Variants in MPDZ observed in about 807,000 individuals in gnomAD.
The protein encoded by MPDZ is multiple PDZ domain protein.
MPDZ carries 234 observed loss-of-function variants against 239.1 expected under a neutral mutation model. The ratio of observed to expected loss-of-function variants is 0.98; its 90% CI spans 0.88 to 1.09. The LOEUF (loss-of-function observed/expected upper bound fraction) is 1.09. MPDZ is among the 50% of genes least tolerant of loss of function. The probability of loss-of-function intolerance (pLI) is 0.00; values close to 1 mark genes in which losing one functional copy is unlikely to be tolerated. For synonymous variants in MPDZ, 1,048 were observed against 881.3 expected, an observed-to-expected ratio of 1.19 and a Z score of -3.35; for missense variants, 3,175 against 2,510.0, an observed-to-expected ratio of 1.26 and a Z score of -5.66.
intron 30 of MPDZ, 50 bp from the exon 31 acceptor site, chr9:13,136,232 A>G (rs1487031043): frequency 3.9e-6 from 5 of 1,272,748 alleles, no homozygotes; most frequent in Non-Finnish European, 4.5e-6. Context: ...TATTATTTTC[A>G]TTCTCTTACT....
At chr9:13,211,692 T>C (rs1957638802) in intron 10 of MPDZ, among the ~76,000 whole-genome samples, 1 of 152,120 alleles carries the variant, frequency 6.6e-6, no homozygotes, top group African/African-American at 2.4e-5. Flanking sequence ...TAACGATCCA[T>C]GATTAAGCCT....
At chr9:13,219,339 T>C (rs1958766252) in intron 8 of MPDZ, among the ~76,000 whole-genome samples, 1 of 151,986 alleles carries the variant, frequency 6.6e-6, no homozygotes, top group Admixed American at 6.6e-5. Context: ...AAATGTAAAA[T>C]AATCTAGCAT....
chr9:13,123,048 G>A, intron 36 of MPDZ, 105 bp downstream of exon 36: 1 of 1,180,726 alleles, frequency 8.5e-7, no homozygotes, highest in Non-Finnish European at 1.1e-6. Flanking sequence ...GGTTTTTTCG[G>A]CCTTCACATT....
At chr9:13,253,061 T>C (rs1256958281) in intron 1 of MPDZ, among the ~76,000 whole-genome samples, 1 of 151,980 alleles carries the variant, frequency 6.6e-6, no homozygotes, top group Non-Finnish European at 1.5e-5. Flanking sequence ...ACATGGGAGG[T>C]AGACCTCGGA....
At chr9:13,181,938 G>A (rs1296554184) in intron 19 of MPDZ, among the ~76,000 whole-genome samples, 2 of 152,194 alleles carry the variant, frequency 1.3e-5, no homozygotes, top group East Asian at 3.9e-4. Flanking sequence ...GACACAGCCA[G>A]ACAGACAGTC....
Position 13,222,445 on chromosome 9 carries a change from C to T in MPDZ, c.535G>A (p.Asp179Asn). Residue 179 changes from aspartate (D) to asparagine (N), a missense_variant and splice_region_variant, in exon 6 of 47, where the codon GAT becomes AAT. Physicochemically the swap from Asp to Asn is conservative, Grantham distance 23 (BLOSUM62 1). Coordinates refer to ENST00000319217, the MANE Select transcript of MPDZ (RefSeq NM_001378778.1). Reference protein sequence around the residue: ...EIQEGSVAHRDGRLKETDQIL... With the variant: ...EIQEGSVAHRNGRLKETDQIL... ...TGATCAGTTTCTTTCAATCTTCCAT[C>T]TCTATCAAGGATGCAAAAGGGGATA... 6.2e-7 allele frequency: 1 copy of T among 1,610,622 alleles called. No homozygotes were observed. The highest frequency in any genetic ancestry group is 8.5e-7 in the Non-Finnish European group (1 of 1,178,076).
intron 22 of MPDZ, among the ~76,000 whole-genome samples, chr9:13,163,743 TTAAAA>T (rs1950731806): frequency 6.6e-6 from 1 of 152,148 alleles, no homozygotes; most frequent in South Asian, 2.1e-4. Flanking sequence ...AATTTATCTG[TTAAAA>T]TAATAAGTAT....
Position 13,150,620 on chromosome 9 carries a change from C to T in MPDZ, c.3521G>A (p.Ser1174Asn), listed in dbSNP as rs1266184874. Reference protein sequence around the residue: ...ISIVGGRGMGSRLSNGEVMRG... With the variant: ...ISIVGGRGMGNRLSNGEVMRG... Reference sequence around the variant, plus strand: ...CATCACTTCTCCATTGCTTAGCCGACTCCCCATCCCTCGTCCACCAACAAT... The same window carrying T: ...CATCACTTCTCCATTGCTTAGCCGATTCCCCATCCCTCGTCCACCAACAAT... The change falls in exon 25 of 47, where the codon AGT becomes AAT. Residue 1174 changes from serine to asparagine, a missense_variant. By Grantham distance (46) the Ser-to-Asn change is conservative. Transcript: ENST00000319217. The T allele has an allele frequency of 1.3e-6, 2 of 1,531,464 alleles. No individual in the cohort carries two copies. The highest frequency in any genetic ancestry group is 1.3e-5 in the South Asian group (1 of 74,208). 94.9% of individuals were successfully genotyped at this position (1,531,464 alleles called of 1,614,324 possible). A position where few individuals can be genotyped will look rare whatever the true frequency, so the allele number is the denominator to read the frequency against.
Position 13,158,046 on chromosome 9 carries a change from C to T in MPDZ, c.3424G>A (p.Ala1142Thr), listed in dbSNP as rs1287057169. The T allele has an allele frequency of 1.2e-6, 2 of 1,612,616 alleles. No individual in the cohort carries two copies. Among genetic ancestry groups the T allele is most frequent in the Non-Finnish European group, 1.7e-6 (2 of 1,179,152 alleles). The change falls in exon 24 of 47, where the codon GCA (alanine) becomes ACA (threonine). Residue 1142 changes from alanine (A) to threonine (T), a missense_variant. Ala to Thr is a moderately conservative substitution (Grantham distance 58, BLOSUM62 0). Transcript: ENST00000319217. ...CTGGGCTGATTCCAATTGCTATATG[C>T]TGTGTTTTGAAGTTCGCTTTCTTCA... is the stretch of plus-strand genomic sequence containing the variant. ...EGEESELQNT[A>T]YSNWNQPRRV...
At chr9:13,159,355 C>T (rs6474755) in intron 23 of MPDZ, among the ~76,000 whole-genome samples, 70,093 of 152,000 alleles carry the variant, frequency 0.46, 19,556 homozygotes, top group African/African-American at 0.79. Context: ...AATAACGCCT[C>T]GAATGAGGGT....
At position 13,231,577 on chromosome 9, in the gene MPDZ, T is replaced by G. The variant is rs73408228; in HGVS notation, c.184-6994A>C. Among the ~76,000 whole-genome samples, 1,464 of 151,934 alleles carry G rather than the reference T, an allele frequency of 9.6e-3. 25 individuals are homozygous for G. The highest frequency in any genetic ancestry group is 0.034 in the African/African-American group (1,402 of 41,440). On this transcript the variant is annotated intron_variant, in intron 3 of 46. Coordinates refer to ENST00000319217, the MANE Select transcript of MPDZ (RefSeq NM_001378778.1). ...TTTAAAAAAATAATAATAATAGTAATTTTATATCTATCAATGAAATTGCAT... is the reference window on the plus strand; with the variant it reads ...TTTAAAAAAATAATAATAATAGTAAGTTTATATCTATCAATGAAATTGCAT...
intron 9 of MPDZ, 49 bp downstream of exon 9, chr9:13,217,131 A>G: frequency 8.5e-7 from 1 of 1,179,460 alleles, no homozygotes; most frequent in Admixed American, 2.4e-5. Context: ...AGAGATAGAT[A>G]TCAGAGGTAA....
intron 2 of MPDZ, among the ~76,000 whole-genome samples, chr9:13,249,721 C>T (rs911283539): frequency 2.6e-5 from 4 of 152,240 alleles, no homozygotes; most frequent in Admixed American, 6.5e-5. Context: ...ATATATCTAC[C>T]TGTAAAATGG....
At chr9:13,249,917 C>T (rs1028329847) in intron 2 of MPDZ, among the ~76,000 whole-genome samples, 3 of 152,156 alleles carry the variant, frequency 2.0e-5, no homozygotes, top group Non-Finnish European at 4.4e-5. Flanking sequence ...TAGAACTTCA[C>T]CTGCCAGAAG....
chr9:13,142,193 T>C (rs1947805366), intron 27 of MPDZ, among the ~76,000 whole-genome samples: 1 of 152,260 alleles, frequency 6.6e-6, no homozygotes, highest in Non-Finnish European at 1.5e-5. Flanking sequence ...ATTTTATACA[T>C]CTTGCTGCAT....
At chr9:13,159,800 C>T (rs10738325) in intron 23 of MPDZ, among the ~76,000 whole-genome samples, 65,417 of 151,862 alleles carry the variant, frequency 0.43, 16,684 homozygotes, top group African/African-American at 0.71. Context: ...TGAATCCTTT[C>T]GCAAACCCCA....
intron 23 of MPDZ, 115 bp from the exon 24 acceptor site, chr9:13,158,225 T>C (rs1010170909): frequency 5.7e-6 from 4 of 704,780 alleles, no homozygotes; most frequent in East Asian, 2.7e-5. Flanking sequence ...GTTTTCACCA[T>C]ACATGGCCAT....
intron 16 of MPDZ, 132 bp downstream of exon 16, chr9:13,189,982 T>A (rs1220069451): frequency 1.4e-6 from 1 of 738,240 alleles, no homozygotes; most frequent in Non-Finnish European, 2.1e-6. Context: ...CAGTGAATCC[T>A]ATAAATCACT....
At chr9:13,268,839 C>A (rs1341702134) in intron 1 of MPDZ, among the ~76,000 whole-genome samples, 4 of 152,204 alleles carry the variant, frequency 2.6e-5, no homozygotes. Flanking sequence ...CTCACTGGGG[C>A]TTTGCCCTGC....
Sources: allele counts gnomAD v4.1 joint callset (sites outside exome capture counted in the v4.1 genomes callset), GRCh38; gene constraint gnomAD v4.1.1; transcripts MANE v1.5; gene names NCBI Gene and HGNC (gene_info 2026-07-23, HGNC 2026-07-21).